The following DOK6 variants were observed in gnomAD, a reference collection of about 807,000 sequenced individuals.
The protein encoded by DOK6 is downstream of tyrosine kinase 6.
DOK6 carries 22 observed loss-of-function variants against 44.0 expected under a neutral mutation model. The observed-to-expected ratio is 0.50, with a 90% CI of 0.36 to 0.71. The LOEUF is 0.71. Ranked by LOEUF, DOK6 falls within the 30% of genes least tolerant of loss-of-function variation. The pLI is 0.00. For missense variants in DOK6, 340 were observed against 416.4 expected, an observed-to-expected ratio of 0.82 and a Z score of 1.60; for synonymous variants, 166 against 145.5, an observed-to-expected ratio of 1.14 and a Z score of -1.01.
chr18:69,496,370 C>T lies in DOK6; in HGVS notation c.67-68117C>T, dbSNP rs1185275726. On this transcript the variant is annotated intron_variant, in intron 1 of 7. Coordinates refer to ENST00000382713, the MANE Select transcript of DOK6 (RefSeq NM_152721.6). The stretch of plus-strand genomic sequence containing the variant: ...CCACCAACTCGGAAGGGGCGGGGCT[C>T]CCACTTGTCCCGGCTACCACCAGGT... Among the ~76,000 whole-genome samples the T allele has an allele frequency of 1.3e-5, 2 of 152,250 alleles. 1 individual carries two copies. The highest frequency in any genetic ancestry group is 1.3e-4 in the Admixed American group (2 of 15,290).
chr18:69,799,062 G>A (rs17793212), intron 7 of DOK6, among the ~76,000 whole-genome samples: 15,282 of 151,804 alleles, frequency 0.1, 994 homozygotes, highest in South Asian at 0.25. Flanking sequence ...TGAAAACATG[G>A]ACCCTAGTAC....
At position 69,682,411 on chromosome 18, in the gene DOK6, G is replaced by A. The variant is rs192113002; in HGVS notation, c.409+4558G>A. On this transcript the variant is annotated intron_variant, in intron 4 of 7. Transcript: ENST00000382713. ...GCACAGGTAAAAAGGCTAAAGTTGG[G>A]CTGAGTTAGACTGGGTTGTGCTGAG... 1.5e-3 allele frequency among the ~76,000 whole-genome samples: 222 copies of A among 152,268 alleles called. 1 individual carries two copies. The highest frequency in any genetic ancestry group is 5.2e-3 in the African/African-American group (215 of 41,568).
chr18:69,587,770 A>ACACAC (rs1983537798), intron 2 of DOK6, among the ~76,000 whole-genome samples: 173 of 149,170 alleles, frequency 1.2e-3, no homozygotes, highest in African/African-American at 4.0e-3. Flanking sequence ...TGTAAATTTA[A>ACACAC]ACACACACAC....
At chr18:69,519,893 C>T (rs921310001) in intron 1 of DOK6, among the ~76,000 whole-genome samples, 5 of 151,762 alleles carry the variant, frequency 3.3e-5, no homozygotes, top group Non-Finnish European at 7.4e-5. Flanking sequence ...AAGTCAGATA[C>T]ATTTAATAAG....
rs565505977 is a variant in DOK6 at position 69,619,357 on chromosome 18, C to T, written c.289+19859C>T. Among the ~76,000 whole-genome samples the T allele has an allele frequency of 7.0e-4, 106 of 152,306 alleles. 2 individuals are homozygous for T. Among genetic ancestry groups the T allele is most frequent in the Middle Eastern group, 3.4e-3 (1 of 294 alleles). Reference sequence around the variant, plus strand: ...ACCAGACTGCCATTTCCAAGATAGGCTCTGTGAATAGGTTAATCCCACACC... The same window carrying T: ...ACCAGACTGCCATTTCCAAGATAGGTTCTGTGAATAGGTTAATCCCACACC... On this transcript the variant is annotated intron_variant, in intron 3 of 7. Coordinates refer to ENST00000382713, the MANE Select transcript of DOK6 (RefSeq NM_152721.6).
chr18:69,512,092 A>AC lies in DOK6; in HGVS notation c.67-52388dup, dbSNP rs199809049. Among the ~76,000 whole-genome samples the AC allele has an allele frequency of 2.0e-3, 201 of 103,008 alleles. 2 individuals are homozygous for AC. In the East Asian group the frequency reaches 0.05, roughly 26 times the overall value. 67.6% of individuals were successfully genotyped at this position (103,008 alleles called of 152,430 possible). A position where few individuals can be genotyped will look rare whatever the true frequency, so the allele number is the denominator to read the frequency against. ...ATCATCGCCCCATCCCCCCACACGC[A>AC]CCCCCCCACACACAATCTTTAGGTT... On this transcript the variant is annotated intron_variant, in intron 1 of 7. Coordinates refer to ENST00000382713, the MANE Select transcript of DOK6 (RefSeq NM_152721.6).
At chr18:69,470,080 A>C in intron 1 of DOK6, 1 of 163,998 alleles carries the variant, frequency 6.1e-6, no homozygotes, top group Non-Finnish European at 1.3e-5. Context: ...TGCTGCCACC[A>C]CAGCATTATG....
intron 3 of DOK6, among the ~76,000 whole-genome samples, chr18:69,635,802 A>G (rs1984792548): frequency 6.6e-6 from 1 of 152,220 alleles, no homozygotes. Context: ...AACCCTAAGA[A>G]AGAGGTGCAA....
chr18:69,409,540 A>T (rs1483164912), intron 1 of DOK6, among the ~76,000 whole-genome samples: 1 of 152,208 alleles, frequency 6.6e-6, no homozygotes, highest in Non-Finnish European at 1.5e-5. Context: ...ATCTTTGCTG[A>T]GTGGATAGCA....
At chr18:69,472,843 A>AT (rs11379046) in intron 1 of DOK6, among the ~76,000 whole-genome samples, 139,542 of 152,232 alleles carry the variant, frequency 0.92, 65,080 homozygotes, top group Non-Finnish European at 1. Flanking sequence ...CAGACAAGTT[A>AT]TCAATTCAAA....
chr18:69,564,374 C>T, intron 1 of DOK6, 113 bp from the exon 2 acceptor site: 1 of 752,546 alleles, frequency 1.3e-6, no homozygotes, highest in African/African-American at 1.8e-5. Context: ...GTTTGTCAAT[C>T]AAAAACAGTT....
chr18:69,646,225 T>A (rs1985069084), intron 3 of DOK6, among the ~76,000 whole-genome samples: 1 of 152,180 alleles, frequency 6.6e-6, no homozygotes, highest in Non-Finnish European at 1.5e-5. Context: ...TGTTTTTTCT[T>A]CTTCAGGGAT....
intron 7 of DOK6, among the ~76,000 whole-genome samples, chr18:69,759,251 G>A (rs999098398): frequency 6.6e-6 from 1 of 152,144 alleles, no homozygotes; most frequent in African/African-American, 2.4e-5. Context: ...AATGCCAGCA[G>A]CCACACACTC....
chr18:69,830,961 ATATGTG>A (rs1981884552), intron 7 of DOK6, among the ~76,000 whole-genome samples: 1 of 152,156 alleles, frequency 6.6e-6, no homozygotes, highest in Admixed American at 6.6e-5. Context: ...TAAAATGAAG[ATATGTG>A]TATGAGTAAG....
intron 3 of DOK6, among the ~76,000 whole-genome samples, chr18:69,654,737 T>G (rs1246750238): frequency 6.6e-6 from 1 of 152,184 alleles, no homozygotes; most frequent in Non-Finnish European, 1.5e-5. Context: ...AGGAAAAGAT[T>G]AAACCGTTTT....
chr18:69,601,304 T>A (rs547284514), intron 3 of DOK6, among the ~76,000 whole-genome samples: 1 of 152,202 alleles, frequency 6.6e-6, no homozygotes, highest in Non-Finnish European at 1.5e-5. Flanking sequence ...AGCATTTTAA[T>A]AGAAAAGGTG....
chr18:69,681,882 A>T (rs1986053229), intron 4 of DOK6, among the ~76,000 whole-genome samples: 1 of 152,230 alleles, frequency 6.6e-6, no homozygotes, highest in Non-Finnish European at 1.5e-5. Context: ...ATGGACACAA[A>T]GGATAGGTCC....
intron 1 of DOK6, among the ~76,000 whole-genome samples, chr18:69,489,363 C>CT (rs1338086298): frequency 6.6e-6 from 1 of 152,194 alleles, no homozygotes; most frequent in African/African-American, 2.4e-5. Context: ...GGTCCATCAT[C>CT]TTCCTACCAG....
chr18:69,467,261 T>A (rs1489476460), intron 1 of DOK6, among the ~76,000 whole-genome samples: 1 of 152,136 alleles, frequency 6.6e-6, no homozygotes, highest in Non-Finnish European at 1.5e-5. Flanking sequence ...ATACAGTACT[T>A]CCTGGAGTTA....
Sources: allele counts gnomAD v4.1 joint callset (sites outside exome capture counted in the v4.1 genomes callset), GRCh38; gene constraint gnomAD v4.1.1; transcripts MANE v1.5; gene names NCBI Gene and HGNC (gene_info 2026-07-23, HGNC 2026-07-21).